The following USP47 variants were observed in gnomAD, a reference collection of about 807,000 sequenced individuals.
The protein encoded by USP47 is ubiquitin specific peptidase 47.
USP47 carries 35 observed loss-of-function variants against 165.1 expected under a neutral mutation model. The ratio of observed to expected loss-of-function variants is 0.21; its 90% CI spans 0.16 to 0.28. The LOEUF (loss-of-function observed/expected upper bound fraction) is 0.28. USP47 is among the 10% of genes least tolerant of loss of function. The pLI is 1.00. For synonymous variants in USP47, 531 were observed against 544.5 expected (o/e 0.98, Z 0.35); for missense variants, 1,277 against 1,607.4 (o/e 0.79, Z 3.52).
In USP47 at chr11:11,936,279, T is replaced by C. The variant is rs1308721484; in HGVS notation, c.1870-24T>C. 4 of 1,414,026 alleles carry C rather than the reference T, an allele frequency of 2.8e-6. No homozygotes were observed. In the African/African-American group the frequency reaches 5.8e-5, roughly 20 times the overall value. 87.6% of individuals were successfully genotyped at this position (1,414,026 alleles called of 1,614,324 possible). A position where few individuals can be genotyped will look rare whatever the true frequency, so the allele number is the denominator to read the frequency against. On this transcript the variant is annotated intron_variant, in intron 16 of 27. Coordinates refer to ENST00000527733, the MANE Select transcript of USP47 (RefSeq NM_001282659.2). The stretch of plus-strand genomic sequence containing the variant: ...ATATATATGTATATATATTTTTTCT[T>C]TCTGGGGGATTACTTTCTTTTAGAT...
chr11:11,936,511 G>C lies in USP47; in HGVS notation c.2077+1G>C. 6.4e-7 allele frequency: 1 copy of C among 1,572,082 alleles called. No individual in the cohort carries two copies. Among genetic ancestry groups the C allele is most frequent in the Non-Finnish European group, 8.7e-7 (1 of 1,154,630 alleles). On this transcript the variant is annotated splice_donor_variant, in intron 17 of 27. Coordinates refer to ENST00000527733, the MANE Select transcript of USP47 (RefSeq NM_001282659.2). LOFTEE classifies it high-confidence loss of function. ...GTTTTCCAATCTTATAAACCTGGAG[G>C]TGAGCAATTTTACACTATTTTTAGT...
At position 11,948,569 on chromosome 11, in the gene USP47, C is replaced by T. The variant is rs186303364; in HGVS notation, c.3348+11C>T. The T allele has an allele frequency of 8.9e-6, 14 of 1,574,808 alleles. No individual in the cohort carries two copies. In the African/African-American group the frequency reaches 1.2e-4, roughly 14 times the overall value. ...GTCAATGAACAAGAGGTAAGTAATA[C>T]GTTTAAGAATAATATAAGGTTACTT... is the stretch of plus-strand genomic sequence containing the variant. On this transcript the variant is annotated intron_variant, in intron 22 of 27. Transcript: ENST00000527733.
chr11:11,883,675 A>G (rs1850975863), intron 2 of USP47, among the ~76,000 whole-genome samples: 1 of 152,196 alleles, frequency 6.6e-6, no homozygotes, highest in Admixed American at 6.6e-5. Context: ...ATTTTTCTCA[A>G]CAGCAGTCTG....
At chr11:11,906,293 A>G (rs1852559956) in intron 8 of USP47, among the ~76,000 whole-genome samples, 1 of 152,210 alleles carries the variant, frequency 6.6e-6, no homozygotes. Context: ...ACCATGTGCC[A>G]GGGGAAGCTT....
intron 1 of USP47, among the ~76,000 whole-genome samples, chr11:11,863,875 A>G (rs139770260): frequency 5.3e-5 from 8 of 152,288 alleles, no homozygotes; most frequent in African/African-American, 1.4e-4. Flanking sequence ...TTCTGGCAGT[A>G]CAAGGTATCC....
chr11:11,894,556 A>C (rs975400465), intron 4 of USP47, among the ~76,000 whole-genome samples: 2 of 152,210 alleles, frequency 1.3e-5, no homozygotes, highest in African/African-American at 2.4e-5. Context: ...GTTTCTTATT[A>C]TTCTGAGATA....
chr11:11,854,215 T>C (rs1848898141), intron 1 of USP47, among the ~76,000 whole-genome samples: 1 of 146,934 alleles, frequency 6.8e-6, no homozygotes, highest in South Asian at 2.2e-4. Context: ...TTGCATATTC[T>C]TAATCCTAAA....
At chr11:11,902,495 T>C (rs1373533558) in intron 5 of USP47, among the ~76,000 whole-genome samples, 1 of 152,216 alleles carries the variant, frequency 6.6e-6, no homozygotes, top group Non-Finnish European at 1.5e-5. Context: ...TGCCTTGTTA[T>C]GCCTTGTTAT....
Position 11,930,950 on chromosome 11 carries a change from A to G in USP47, c.1651+199A>G, listed in dbSNP as rs1018196918. On this transcript the variant is annotated intron_variant, in intron 14 of 27. Transcript: ENST00000527733. ...AAAAATGTTGTTGAATTATTTTTTA[A>G]TATATGAAGAGACAAAACTACATTA... Among the ~76,000 whole-genome samples, 13 of 152,334 alleles carry G rather than the reference A, an allele frequency of 8.5e-5. No homozygotes were observed. In the South Asian group the frequency reaches 1.0e-3, roughly 12 times the overall value.
At chr11:11,864,528 C>T (rs1427064598) in intron 1 of USP47, among the ~76,000 whole-genome samples, 2 of 151,752 alleles carry the variant, frequency 1.3e-5, no homozygotes, top group Admixed American at 6.6e-5. Context: ...TTAAATAACT[C>T]GCCATTCCTC....
chr11:11,945,995 A>G (rs1281035053), intron 20 of USP47, among the ~76,000 whole-genome samples: 1 of 152,024 alleles, frequency 6.6e-6, no homozygotes, highest in Non-Finnish European at 1.5e-5. Context: ...TACGTAAGAG[A>G]AAGGACCAAA....
chr11:11,873,804 T>G (rs768122804), intron 1 of USP47: 1 of 1,478,036 alleles, frequency 6.8e-7, no homozygotes, highest in Non-Finnish European at 9.0e-7. Flanking sequence ...CCATAGGATG[T>G]GTTTTGGAGA....
At chr11:11,944,986 T>C (rs1855730155) in intron 20 of USP47, among the ~76,000 whole-genome samples, 1 of 152,222 alleles carries the variant, frequency 6.6e-6, no homozygotes, top group Admixed American at 6.5e-5. Context: ...TAATAAAATC[T>C]TTTAAATGGA....
intron 20 of USP47, among the ~76,000 whole-genome samples, chr11:11,944,244 G>C (rs770726428): frequency 4.0e-5 from 6 of 150,830 alleles, no homozygotes; most frequent in Non-Finnish European, 8.8e-5. Context: ...TTCATCTCAT[G>C]GGGAGGAGGT....
intron 1 of USP47, among the ~76,000 whole-genome samples, chr11:11,858,007 C>A (rs1016065453): frequency 6.6e-6 from 1 of 152,124 alleles, no homozygotes; most frequent in Admixed American, 6.6e-5. Flanking sequence ...GGCACCACTT[C>A]ATTTACATGA....
At chr11:11,910,340 A>G (rs1422489778) in intron 8 of USP47, among the ~76,000 whole-genome samples, 6 of 152,166 alleles carry the variant, frequency 3.9e-5, no homozygotes, top group African/African-American at 1.2e-4. Flanking sequence ...GCCTGGAAAC[A>G]GCAATGGGTA....
At chr11:11,881,333 C>T (rs1850814364) in intron 2 of USP47, among the ~76,000 whole-genome samples, 2 of 152,130 alleles carry the variant, frequency 1.3e-5, no homozygotes, top group Admixed American at 1.3e-4. Flanking sequence ...ACAGTGCCCA[C>T]TCTTTACCCT....
Position 11,913,461 on chromosome 11 carries a change from G to T in USP47, c.970-6695G>T, listed in dbSNP as rs1201202200. Among the ~76,000 whole-genome samples the T allele has an allele frequency of 3.3e-5, 5 of 151,664 alleles. No individual in the cohort carries two copies. The East Asian group carries it at 9.6e-4, about 29-fold the overall frequency. On this transcript the variant is annotated intron_variant, in intron 8 of 27. Coordinates refer to ENST00000527733, the MANE Select transcript of USP47 (RefSeq NM_001282659.2). ...AACAAAAAATGTACTGGACCTATGTGTTCAAAACTACAAAACTTTGAAAAG... is the reference window on the plus strand; with the variant it reads ...AACAAAAAATGTACTGGACCTATGTTTTCAAAACTACAAAACTTTGAAAAG...
chr11:11,867,684 T>G (rs1210401598), intron 1 of USP47, among the ~76,000 whole-genome samples: 1 of 152,200 alleles, frequency 6.6e-6, no homozygotes, highest in African/African-American at 2.4e-5. Flanking sequence ...TCTTTAATGG[T>G]ACCATGTTTA....
Sources: allele counts gnomAD v4.1 joint callset (sites outside exome capture counted in the v4.1 genomes callset), GRCh38; gene constraint gnomAD v4.1.1; transcripts MANE v1.5; gene names NCBI Gene and HGNC (gene_info 2026-07-23, HGNC 2026-07-21).